Variants in OGFR observed in about 807,000 individuals in gnomAD.
The protein encoded by OGFR is opioid growth factor receptor, also known as protein 7-60.
In OGFR, 18 loss-of-function variants were observed where a neutral mutation model predicts 33.6. The ratio of observed to expected loss-of-function variants is 0.54; its 90% CI spans 0.37 to 0.80. The LOEUF (loss-of-function observed/expected upper bound fraction) is 0.80, where lower values mean the gene tolerates loss of function less well. OGFR is among the 30% of genes least tolerant of loss of function. The pLI is 0.00. For missense variants in OGFR, 877 were observed against 955.8 expected, an observed-to-expected ratio of 0.92 and a Z score of 1.09; for synonymous variants, 370 against 400.7, an observed-to-expected ratio of 0.92 and a Z score of 0.91.
intron 4 of OGFR, among the ~76,000 whole-genome samples, chr20:62,810,001 C>T (rs367990705): frequency 3.3e-5 from 5 of 152,344 alleles, no homozygotes; most frequent in South Asian, 2.1e-4. Flanking sequence ...GGGCGGCCCC[C>T]GTCTCGGACT....
chr20:62,808,353 G>A (rs373149070), intron 3 of OGFR, 28 bp downstream of exon 3: 22 of 1,569,898 alleles, frequency 1.4e-5, no homozygotes, highest in Admixed American at 6.7e-5. Context: ...ACTGGCAGCC[G>A]GCGCTTCCAT....
In OGFR at chr20:62,812,261, A is replaced by C; in HGVS notation, c.646A>C (p.Ile216Leu). 6.5e-7 allele frequency: 1 copy of C among 1,529,766 alleles called. No homozygotes were observed. Among genetic ancestry groups the C allele is most frequent in the Non-Finnish European group, 8.8e-7 (1 of 1,137,164 alleles). 94.8% of individuals were successfully genotyped at this position (1,529,766 alleles called of 1,614,324 possible). ...CCACAACAACCTCCGCATCACACGC[A>C]TCCTCAAGTCGCTGGGTGAGCTGGG... ...RSHNNLRITR[I>L]LKSLGELGLE... The change falls in exon 7 of 7, where the codon ATC becomes CTC. Residue 216 changes from isoleucine to leucine, a missense_variant. Physicochemically the swap from Ile to Leu is conservative, Grantham distance 5. Transcript: ENST00000290291.
Position 62,813,903 on chromosome 20 carries a change from T to C in OGFR, c.*254T>C, listed in dbSNP as rs1990812606. On this transcript the variant is annotated 3_prime_UTR_variant, in exon 7 of 7. Coordinates refer to ENST00000290291, the MANE Select transcript of OGFR (RefSeq NM_007346.4). ...GCTCTCCCCTGCGCCCCTGTCTTTGTAAATTGACCCTTCTGGAGTGGGGGG... is the reference window on the plus strand; with the variant it reads ...GCTCTCCCCTGCGCCCCTGTCTTTGCAAATTGACCCTTCTGGAGTGGGGGG... 2 of 582,460 alleles carry C rather than the reference T, an allele frequency of 3.4e-6. No homozygotes were observed. The highest frequency in any genetic ancestry group is 6.1e-6 in the Non-Finnish European group (2 of 328,312). The allele number at this position is 582,460 out of a possible 1,614,324, so 36.1% of individuals were successfully genotyped here.
chr20:62,807,737 G>C, intron 2 of OGFR, 132 bp downstream of exon 2: 1 of 876,956 alleles, frequency 1.1e-6, no homozygotes, highest in South Asian at 1.6e-5. Flanking sequence ...GCAGGACCCT[G>C]CCTGGGGCAC....
At chr20:62,810,468 A>G in intron 4 of OGFR, 31 bp from the exon 5 acceptor site, 1 of 1,611,008 alleles carries the variant, frequency 6.2e-7, no homozygotes, top group Non-Finnish European at 8.5e-7. Context: ...GGCTCTCCTA[A>G]TCCCTTGCCT....
Position 62,804,961 on chromosome 20 carries a change from G to C in OGFR, c.102G>C (p.Arg34Ser), listed in dbSNP as rs1990548928. The change falls in exon 1 of 7, where the codon AGG becomes AGC. Residue 34 changes from arginine to serine, a missense_variant. By Grantham distance (110) the Arg-to-Ser change is moderately radical (BLOSUM62 -1). This residue lies in a region of OGFR where 760 missense variants were observed against 736.0 expected (regional missense o/e 1.03). Transcript: ENST00000290291. ...AGGACGGCGAGGCCGCCGGCGCGAG[G>C]GACGCGGACGCAGGGGACGAGGACG... ...DCEDGEAAGA[R>S]DADAGDEDEE... is the part of the protein sequence containing the mutation. The C allele has an allele frequency of 6.7e-7, 1 of 1,491,096 alleles. No homozygotes were observed. Among genetic ancestry groups the C allele is most frequent in the African/African-American group, 1.5e-5 (1 of 68,362 alleles). 92.4% of individuals were successfully genotyped at this position (1,491,096 alleles called of 1,614,324 possible).
rs778689102 is a variant in OGFR at position 62,813,711 on chromosome 20, G to A, written c.*62G>A. On this transcript the variant is annotated 3_prime_UTR_variant, in exon 7 of 7. Transcript: ENST00000290291. ...CCCTGCTGCAGGGGCTGGGGCCTCC[G>A]GAGCTGCTGCGGGCTCCCCTCAGGC... 12 of 1,581,206 alleles carry A rather than the reference G, an allele frequency of 7.6e-6. No homozygotes were observed. Among genetic ancestry groups the A allele is most frequent in the Middle Eastern group, 1.7e-4 (1 of 5,918 alleles).
Position 62,813,027 on chromosome 20 carries a change from TGGC to T in OGFR, c.1413_1415del (p.Ala472del). 6.2e-7 allele frequency: 1 copy of T among 1,601,054 alleles called. No homozygotes were observed. Among genetic ancestry groups the T allele is most frequent in the Non-Finnish European group, 8.5e-7 (1 of 1,174,244 alleles). ...GAGGGTGCTGGGGACAGTGCTGCGGTGGCCAGTGGTGGTGCCCAGACCTTGGCC... is the reference window on the plus strand; with the variant it reads ...GAGGGTGCTGGGGACAGTGCTGCGGTCAGTGGTGGTGCCCAGACCTTGGCC... On this transcript the variant is annotated inframe_deletion, in exon 7 of 7. Coordinates refer to ENST00000290291, the MANE Select transcript of OGFR (RefSeq NM_007346.4).
intron 5 of OGFR, 142 bp downstream of exon 5, chr20:62,810,707 G>A: frequency 1.5e-6 from 1 of 677,520 alleles, no homozygotes; most frequent in East Asian, 2.7e-5. Context: ...GGCCGAAAGA[G>A]CCTCCAGTAT....
intron 3 of OGFR, 129 bp from the exon 4 acceptor site, chr20:62,809,456 A>C: frequency 1.4e-6 from 1 of 705,898 alleles, no homozygotes; most frequent in Non-Finnish European, 2.6e-6. Flanking sequence ...GCCTCAGGAG[A>C]TGAGGGCGAG....
chr20:62,804,978 A>G lies in OGFR; in HGVS notation c.119A>G (p.Asp40Gly), dbSNP rs201442562. 21,155 of 1,483,880 alleles carry G rather than the reference A, an allele frequency of 0.014. 245 individuals are homozygous for G. Among genetic ancestry groups the G allele is most frequent in the South Asian group, 0.044 (3,428 of 78,332 alleles). The allele number at this position is 1,483,880 out of a possible 1,614,324, so 91.9% of individuals were successfully genotyped here. A position where few individuals can be genotyped will look rare whatever the true frequency, so the allele number is the denominator to read the frequency against. Residue 40 changes from aspartate (D) to glycine (G), a missense_variant, in exon 1 of 7, where the codon GAC becomes GGC. Asp to Gly is a moderately conservative substitution (Grantham distance 94). Coordinates refer to ENST00000290291, the MANE Select transcript of OGFR (RefSeq NM_007346.4). ...GGCGCGAGGGACGCGGACGCAGGGG[A>G]CGAGGACGAGGAGTCGGAGGAGCCG... The part of the protein sequence containing the change: ...AAGARDADAG[D>G]EDEESEEPRA...
rs368395089 is a variant in OGFR at position 62,813,681 on chromosome 20, C to T, written c.*32C>T. 1.9e-5 allele frequency: 30 copies of T among 1,607,944 alleles called. 1 individual carries two copies. The African/African-American group carries it at 3.2e-4, about 17-fold the overall frequency. On this transcript the variant is annotated 3_prime_UTR_variant, in exon 7 of 7. Coordinates refer to ENST00000290291, the MANE Select transcript of OGFR (RefSeq NM_007346.4). Reference sequence around the variant, plus strand: ...GAGTGCCCGTCGGCGTCTTGGTCCTCCTGTCCCTGCTGCAGGGGCTGGGGC... The same window carrying T: ...GAGTGCCCGTCGGCGTCTTGGTCCTTCTGTCCCTGCTGCAGGGGCTGGGGC...
intron 2 of OGFR, 104 bp downstream of exon 2, chr20:62,807,709 C>A: frequency 3.3e-6 from 4 of 1,204,416 alleles, no homozygotes; most frequent in Non-Finnish European, 4.8e-6. Context: ...GCTTGCTGTG[C>A]CAGGGCCACA....
chr20:62,806,036 T>A (rs1024107357), intron 1 of OGFR: 3 of 152,666 alleles, frequency 2.0e-5, no homozygotes, highest in African/African-American at 7.2e-5. Context: ...CCCTCAGGCC[T>A]CCCCAGCTGC....
At chr20:62,811,673 G>C (rs979008867) in intron 6 of OGFR, 63 bp downstream of exon 6, 1 of 1,474,460 alleles carries the variant, frequency 6.8e-7, no homozygotes. Context: ...GTCAGGTTTC[G>C]GGCAGGTCAC....
intron 2 of OGFR, 140 bp downstream of exon 2, chr20:62,807,745 C>T (rs41309385): frequency 6.1e-5 from 49 of 807,792 alleles, no homozygotes; most frequent in Middle Eastern, 7.0e-4. Context: ...CTGCCTGGGG[C>T]ACAGCCTGGT....
In OGFR at chr20:62,813,772, C is replaced by A; in HGVS notation, c.*123C>A. The A allele has an allele frequency of 2.5e-6, 3 of 1,192,114 alleles. No homozygotes were observed. The highest frequency in any genetic ancestry group is 1.4e-5 in the South Asian group (1 of 73,736). 73.8% of individuals were successfully genotyped at this position (1,192,114 alleles called of 1,614,324 possible). On this transcript the variant is annotated 3_prime_UTR_variant, in exon 7 of 7. Coordinates refer to ENST00000290291, the MANE Select transcript of OGFR (RefSeq NM_007346.4). Reference sequence around the variant, plus strand: ...GACCCGTGACCCATGACCCACAGTGCTGGCCTCCTGTGGGGCCACTATAGC... The same window carrying A: ...GACCCGTGACCCATGACCCACAGTGATGGCCTCCTGTGGGGCCACTATAGC...
At chr20:62,811,663 G>T in intron 6 of OGFR, 53 bp downstream of exon 6, 1 of 1,277,216 alleles carries the variant, frequency 7.8e-7, no homozygotes, top group Non-Finnish European at 1.0e-6. Context: ...ACAGGGCCAC[G>T]TCAGGTTTCG....
In OGFR at chr20:62,812,409, ACCAGCGCC is replaced by A; in HGVS notation, c.795_802del (p.His265GlnfsTer68). 1 of 1,579,314 alleles carries A rather than the reference ACCAGCGCC, an allele frequency of 6.3e-7. No individual in the cohort carries two copies. Among genetic ancestry groups the A allele is most frequent in the Admixed American group, 1.8e-5 (1 of 55,262 alleles). Reference sequence around the variant, plus strand: ...TTCATGTTCGCCGTGCGCTGCCGACACCAGCGCCGCCAGCTGGTGCACTTCGCCTGGGA... The same window carrying A: ...TTCATGTTCGCCGTGCGCTGCCGACAGCCAGCTGGTGCACTTCGCCTGGGA... On this transcript the variant is annotated frameshift_variant, in exon 7 of 7. Transcript: ENST00000290291. LOFTEE classifies it low-confidence loss of function (END_TRUNC).
Sources: allele counts gnomAD v4.1 joint callset (sites outside exome capture counted in the v4.1 genomes callset), GRCh38; gene constraint gnomAD v4.1.1; regional missense constraint gnomAD v4.1.1; transcripts MANE v1.5; gene names NCBI Gene and HGNC (gene_info 2026-07-23, HGNC 2026-07-21).